The following KCNMA1 variants were observed in gnomAD, a reference collection of about 807,000 sequenced individuals.
KCNMA1 encodes Calcium-activated potassium channel subunit alpha-1.
A neutral mutation model predicts 140.0 loss-of-function variants in KCNMA1; 29 were observed. That is an observed-to-expected ratio of 0.21 (90% CI 0.15 to 0.28). The LOEUF (loss-of-function observed/expected upper bound fraction) is 0.28, where lower values mean the gene tolerates loss of function less well. Ranked by LOEUF, KCNMA1 falls within the 10% of genes least tolerant of loss-of-function variation. KCNMA1 has a pLI of 1.00. For synonymous variants in KCNMA1, 612 were observed against 611.9 expected (o/e 1.00, Z 0.00); for missense variants, 880 against 1,602.2 (o/e 0.55, Z 7.70).
rs202081713 is a variant in KCNMA1, at chr10:76,965,766, T to C, written c.2360+4208A>G. Among the ~76,000 whole-genome samples, 12 of 152,318 alleles carry C rather than the reference T, an allele frequency of 7.9e-5. No homozygotes were observed. The East Asian group carries it at 1.7e-3, about 22-fold the overall frequency. On this transcript the variant is annotated intron_variant, in intron 20 of 27. Coordinates refer to ENST00000286628, the MANE Select transcript of KCNMA1 (RefSeq NM_001161352.2). ...ACCTGTAAAATGGGGGCAAGAGTAA[T>C]AACTACTTATAGAGTTGTAGTTAGG... is the stretch of plus-strand genomic sequence containing the variant.
At chr10:77,084,896 T>C (rs1465528586) in intron 11 of KCNMA1, among the ~76,000 whole-genome samples, 177 bp from the exon 12 acceptor site, 2 of 152,242 alleles carry the variant, frequency 1.3e-5, no homozygotes, top group Admixed American at 6.5e-5. Context: ...GTTCTTGTTA[T>C]GGTATAAACA....
intron 25 of KCNMA1, among the ~76,000 whole-genome samples, chr10:76,897,338 G>C (rs971835537): frequency 6.6e-6 from 1 of 151,334 alleles, no homozygotes; most frequent in Non-Finnish European, 1.5e-5. Flanking sequence ...CCTGTACTCG[G>C]TGAATATTTG....
intron 2 of KCNMA1, among the ~76,000 whole-genome samples, chr10:77,306,981 T>C (rs1456265640): frequency 6.6e-6 from 1 of 152,130 alleles, no homozygotes; most frequent in Non-Finnish European, 1.5e-5. Context: ...TGGTACGAGG[T>C]CAAGTGACCA....
At chr10:77,114,873 G>C (rs188650076) in intron 6 of KCNMA1, among the ~76,000 whole-genome samples, 44 of 152,292 alleles carry the variant, frequency 2.9e-4, no homozygotes, top group African/African-American at 1.1e-3. Context: ...CAGCCTACAG[G>C]GTTGCCCAAC....
At chr10:77,382,845 A>T in intron 2 of KCNMA1, among the ~76,000 whole-genome samples, 1 of 138,146 alleles carries the variant, frequency 7.2e-6, no homozygotes, top group South Asian at 2.5e-4. Context: ...AGCCTGGGAG[A>T]CAAGAGCAAA....
At chr10:77,413,429 C>T (rs1386119054) in intron 1 of KCNMA1, among the ~76,000 whole-genome samples, 1 of 152,132 alleles carries the variant, frequency 6.6e-6, no homozygotes, top group Non-Finnish European at 1.5e-5. Flanking sequence ...GGTTTCCCAG[C>T]CACGGGCATT....
At chr10:77,416,893 C>G (rs1017499913) in intron 1 of KCNMA1, among the ~76,000 whole-genome samples, 4 of 152,196 alleles carry the variant, frequency 2.6e-5, no homozygotes, top group African/African-American at 9.7e-5. Flanking sequence ...TCTGGAATCT[C>G]AAAAATCCTG....
chr10:77,256,234 G>A (rs1391442659), intron 2 of KCNMA1, among the ~76,000 whole-genome samples: 1 of 152,176 alleles, frequency 6.6e-6, no homozygotes, highest in East Asian at 1.9e-4. Flanking sequence ...GACTGGAGTT[G>A]CTGCAATTAG....
intron 5 of KCNMA1, among the ~76,000 whole-genome samples, chr10:77,123,335 C>A (rs901105540): frequency 2.0e-5 from 3 of 151,364 alleles, no homozygotes; most frequent in African/African-American, 7.3e-5. Context: ...ATTTCAAATT[C>A]TAAGGTCTCA....
intron 3 of KCNMA1, among the ~76,000 whole-genome samples, chr10:77,200,805 A>G (rs1451497983): frequency 6.6e-6 from 1 of 152,242 alleles, no homozygotes; most frequent in African/African-American, 2.4e-5. Flanking sequence ...CAAATTACAG[A>G]TAACAGATTA....
chr10:77,409,602 C>T (rs1482192409), intron 1 of KCNMA1, among the ~76,000 whole-genome samples: 2 of 152,178 alleles, frequency 1.3e-5, no homozygotes, highest in Non-Finnish European at 2.9e-5. Context: ...GTGTGAGGGT[C>T]ACGACAAGGG....
At chr10:77,110,125 A>T in intron 8 of KCNMA1, 48 bp downstream of exon 8, 1 of 1,469,714 alleles carries the variant, frequency 6.8e-7, no homozygotes, top group Non-Finnish European at 9.5e-7. Flanking sequence ...ATCATGGAAA[A>T]TATTAACAGC....
chr10:76,934,170 C>G (rs1224130218), intron 23 of KCNMA1, among the ~76,000 whole-genome samples: 1 of 152,120 alleles, frequency 6.6e-6, no homozygotes, highest in Non-Finnish European at 1.5e-5. Flanking sequence ...TGGGGTTTCA[C>G]CATGTTAGCC....
intron 25 of KCNMA1, among the ~76,000 whole-genome samples, chr10:76,896,384 G>A (rs994209752): frequency 6.6e-6 from 1 of 152,132 alleles, no homozygotes; most frequent in Admixed American, 6.5e-5. Flanking sequence ...GAAAATTGCT[G>A]TTATCCTGTT....
intron 2 of KCNMA1, among the ~76,000 whole-genome samples, chr10:77,260,372 A>G (rs1393540999): frequency 6.6e-6 from 1 of 152,204 alleles, no homozygotes; most frequent in African/African-American, 2.4e-5. Context: ...GGTTTCTACA[A>G]GAACAGAAGG....
intron 3 of KCNMA1, among the ~76,000 whole-genome samples, chr10:77,188,644 C>T (rs1044137696): frequency 2.0e-5 from 3 of 152,164 alleles, no homozygotes; most frequent in Admixed American, 1.3e-4. Flanking sequence ...AGTACATCCT[C>T]AGCATTTAGA....
intron 2 of KCNMA1, among the ~76,000 whole-genome samples, chr10:77,375,105 G>A (rs919141871): frequency 5.9e-5 from 9 of 152,172 alleles, no homozygotes; most frequent in African/African-American, 2.2e-4. Context: ...AGCCCCAAGG[G>A]CAGAGAAAGT....
intron 2 of KCNMA1, chr10:77,373,673 C>T (rs1198713798): frequency 1.3e-5 from 2 of 152,178 alleles, no homozygotes; most frequent in Non-Finnish European, 2.9e-5. Context: ...TTCTTTTCAC[C>T]TGTCTGGTCA....
At position 77,380,872 on chromosome 10, in the gene KCNMA1, G is replaced by A. The variant is rs200331203; in HGVS notation, c.540+22990C>T. ...GTTTACTTCATGCACCTTAGTGGAT[G>A]TGGTGAAATGAAATGACTTTTCCAT... On this transcript the variant is annotated intron_variant, in intron 2 of 27. Transcript: ENST00000286628. 2.6e-5 allele frequency among the ~76,000 whole-genome samples: 4 copies of A among 152,318 alleles called. No individual in the cohort carries two copies. The East Asian group carries it at 7.7e-4, about 29-fold the overall frequency.
Sources: allele counts gnomAD v4.1 joint callset (sites outside exome capture counted in the v4.1 genomes callset), GRCh38; gene constraint gnomAD v4.1.1; transcripts MANE v1.5; gene names NCBI Gene and HGNC (gene_info 2026-07-23, HGNC 2026-07-21).